Variants in TNS3 observed in about 807,000 individuals in gnomAD.
TNS3 encodes tensin 3, also known as tensin-3.
Under a neutral mutation model 140.9 loss-of-function variants are expected in TNS3, and 45 were observed. That is an observed-to-expected ratio of 0.32 (90% CI 0.25 to 0.41). The LOEUF (loss-of-function observed/expected upper bound fraction) is 0.41. TNS3 is among the 10% of genes least tolerant of loss of function. The probability of loss-of-function intolerance (pLI) is 1.00; values close to 1 mark genes in which losing one functional copy is unlikely to be tolerated. For missense variants in TNS3, 1,716 were observed against 1,906.7 expected, an observed-to-expected ratio of 0.90 and a Z score of 1.86; for synonymous variants, 815 against 788.4, an observed-to-expected ratio of 1.03 and a Z score of -0.56.
At chr7:47,522,081 C>T (rs1027003038) in intron 2 of TNS3, among the ~76,000 whole-genome samples, 3 of 152,180 alleles carry the variant, frequency 2.0e-5, no homozygotes, top group Admixed American at 6.5e-5. Context: ...GCCAGGGGCT[C>T]TCCCATTCAG....
At chr7:47,489,946 A>C (rs1797751118) in intron 3 of TNS3, among the ~76,000 whole-genome samples, 2 of 152,240 alleles carry the variant, frequency 1.3e-5, no homozygotes, top group Non-Finnish European at 2.9e-5. Context: ...AGACCCCTGA[A>C]GGCCAACACT....
At chr7:47,463,440 A>G (rs922594982) in intron 4 of TNS3, among the ~76,000 whole-genome samples, 1 of 152,262 alleles carries the variant, frequency 6.6e-6, no homozygotes, top group Admixed American at 6.5e-5. Flanking sequence ...AGAGACCCTA[A>G]TTTAATAAAT....
intron 16 of TNS3, among the ~76,000 whole-genome samples, chr7:47,389,379 C>T (rs990522245): frequency 1.2e-4 from 18 of 152,228 alleles, no homozygotes; most frequent in African/African-American, 4.3e-4. Context: ...CCCTGAGGAC[C>T]CAGGACAAAT....
intron 4 of TNS3, among the ~76,000 whole-genome samples, chr7:47,445,473 C>T (rs1488298626): frequency 1.3e-5 from 2 of 152,214 alleles, no homozygotes; most frequent in Non-Finnish European, 2.9e-5. Flanking sequence ...CTCCTTCCAT[C>T]TCCTGGCTTT....
At chr7:47,376,876 A>G (rs1436854486) in intron 16 of TNS3, among the ~76,000 whole-genome samples, 2 of 152,164 alleles carry the variant, frequency 1.3e-5, no homozygotes, top group Non-Finnish European at 2.9e-5. Flanking sequence ...CGCTGCAGTG[A>G]TGGTCACAGT....
At chr7:47,318,369 C>A (rs1584389412) in intron 20 of TNS3, among the ~76,000 whole-genome samples, 1 of 152,186 alleles carries the variant, frequency 6.6e-6, no homozygotes, top group East Asian at 1.9e-4. Flanking sequence ...TTTGACTTTG[C>A]GAACAGTTAC....
chr7:47,380,044 G>A (rs576480901), intron 16 of TNS3, among the ~76,000 whole-genome samples: 20 of 152,378 alleles, frequency 1.3e-4, no homozygotes, highest in Admixed American at 6.5e-4. Context: ...CCACTGCAGA[G>A]CAGGAGCGAC....
intron 30 of TNS3, chr7:47,279,951 A>T: frequency 1.6e-6 from 1 of 618,466 alleles, no homozygotes; most frequent in Non-Finnish European, 2.8e-6. Flanking sequence ...ACATGTAAAT[A>T]TTGCACATCC....
chr7:47,351,569 G>C lies in TNS3; in HGVS notation c.2282-5213C>G, dbSNP rs183080342. Among the ~76,000 whole-genome samples the C allele has an allele frequency of 1.9e-3, 295 of 152,260 alleles. 1 individual carries two copies. Among genetic ancestry groups the C allele is most frequent in the Non-Finnish European group, 3.1e-3 (211 of 68,020 alleles). On this transcript the variant is annotated intron_variant, in intron 17 of 30. Transcript: ENST00000311160. The stretch of plus-strand genomic sequence containing the variant: ...CGCTAGGTCCAAGGTAGATGCCCAG[G>C]AAGCCCAGTAGTGGAACAGAATCCA...
intron 28 of TNS3, among the ~76,000 whole-genome samples, chr7:47,283,101 C>T (rs188948527): frequency 2.0e-5 from 3 of 152,336 alleles, no homozygotes; most frequent in East Asian, 3.9e-4. Context: ...TCCTAGGCCA[C>T]AGGCTGCACT....
At chr7:47,324,238 A>G (rs1230496907) in intron 20 of TNS3, among the ~76,000 whole-genome samples, 2 of 152,194 alleles carry the variant, frequency 1.3e-5, no homozygotes, top group Non-Finnish European at 2.9e-5. Context: ...CTTTGTGGTA[A>G]GTCCTCATTT....
rs754164174 is a variant in TNS3 at position 47,303,408 on chromosome 7, T to C, written c.2999A>G (p.His1000Arg). Reference protein sequence around the residue: ...PSELQAPFHSHELSLAEPPDS... With the variant: ...PSELQAPFHSRELSLAEPPDS... ...CGGTGGCTCTGCTAGGGACAGCTCA[T>C]GGCTGTGGAAAGGAGCCTGGAGCTC... The change falls in exon 22 of 31, where the codon CAT becomes CGT. Residue 1000 changes from histidine (H) to arginine (R), a missense_variant. Physicochemically the swap from His to Arg is conservative, Grantham distance 29. Around this residue, in one of 3 missense-constraint regions of TNS3, gnomAD observed 1,163 missense variants for 1,182.1 expected, o/e 0.98. Transcript: ENST00000311160. The C allele has an allele frequency of 6.2e-7, 1 of 1,613,812 alleles. No homozygotes were observed. The highest frequency in any genetic ancestry group is 8.5e-7 in the Non-Finnish European group (1 of 1,180,020).
chr7:47,420,261 A>G (rs1794303071), intron 10 of TNS3, among the ~76,000 whole-genome samples: 1 of 152,180 alleles, frequency 6.6e-6, no homozygotes, highest in Admixed American at 6.5e-5. Context: ...CTCTTTCCGC[A>G]CGCACTAGGA....
intron 3 of TNS3, among the ~76,000 whole-genome samples, chr7:47,493,960 T>C (rs1797910190): frequency 6.6e-6 from 1 of 152,244 alleles, no homozygotes; most frequent in Non-Finnish European, 1.5e-5. Flanking sequence ...CATAAGCATA[T>C]TTCATGAAAC....
At chr7:47,306,591 T>G (rs78559682) in intron 20 of TNS3, among the ~76,000 whole-genome samples, 1 of 152,160 alleles carries the variant, frequency 6.6e-6, no homozygotes, top group Non-Finnish European at 1.5e-5. Flanking sequence ...TTTTTTTTTT[T>G]GGAGACGGAG....
Position 47,574,626 on chromosome 7 carries a change from GACAC to G in TNS3, c.-265+7421_-265+7424del, listed in dbSNP as rs3066624. Among the ~76,000 whole-genome samples the G allele has an allele frequency of 1.2e-4, 17 of 145,654 alleles. 1 individual carries two copies. Among genetic ancestry groups the G allele is most frequent in the African/African-American group, 4.7e-4 (17 of 36,092 alleles). ...ATAAACAAAATGTGCTATTCATACA[GACAC>G]ACACACACACACACACACCCCCACA... On this transcript the variant is annotated intron_variant, in intron 1 of 30. Coordinates refer to ENST00000311160, the MANE Select transcript of TNS3 (RefSeq NM_022748.12).
chr7:47,482,999 C>A (rs183758307), intron 3 of TNS3, among the ~76,000 whole-genome samples: 160 of 152,168 alleles, frequency 1.1e-3, no homozygotes, highest in Non-Finnish European at 1.6e-3. Flanking sequence ...GATGGACGCA[C>A]GTCATTCTGC....
rs1381109889 is a variant in TNS3, at chr7:47,424,253, G to T, written c.390-69C>A. 5.9e-6 allele frequency: 9 copies of T among 1,519,626 alleles called. No individual in the cohort carries two copies. In the African/African-American group the frequency reaches 1.2e-4, roughly 21 times the overall value. The allele number at this position is 1,519,626 out of a possible 1,614,324, so 94.1% of individuals were successfully genotyped here. A position where few individuals can be genotyped will look rare whatever the true frequency, so the allele number is the denominator to read the frequency against. On this transcript the variant is annotated intron_variant, in intron 9 of 30. Coordinates refer to ENST00000311160, the MANE Select transcript of TNS3 (RefSeq NM_022748.12). Reference sequence around the variant, plus strand: ...CACACCACGTGGGTACTTGACGGGGGATGTGTCTCATGGCTGTTCAAAGCG... The same window carrying T: ...CACACCACGTGGGTACTTGACGGGGTATGTGTCTCATGGCTGTTCAAAGCG...
At chr7:47,469,904 G>T (rs1340558123) in intron 4 of TNS3, among the ~76,000 whole-genome samples, 1 of 144,328 alleles carries the variant, frequency 6.9e-6, no homozygotes, top group East Asian at 2.0e-4. Context: ...AGCCCAGGAG[G>T]CAGAGGTTGC....
Sources: gnomAD v4.1 joint callset for allele counts (sites outside exome capture counted in the v4.1 genomes callset) on GRCh38, gnomAD v4.1.1 for gene constraint, gnomAD v4.1.1 regional missense constraint, MANE v1.5 for transcripts, NCBI Gene and HGNC (gene_info 2026-07-23, HGNC 2026-07-21) for gene names.